KCNMB2: variants seen among roughly 807,000 people sequenced by gnomAD.
KCNMB2 encodes the protein calcium-activated potassium channel subunit beta-2.
KCNMB2 carries 9 observed loss-of-function variants against 24.5 expected under a neutral mutation model. The observed-to-expected ratio is 0.37, with a 90% CI of 0.22 to 0.64. The LOEUF (loss-of-function observed/expected upper bound fraction) is 0.64. Among genes scored for constraint, KCNMB2 ranks in the 30% least tolerant of loss-of-function variants. The pLI, the probability that KCNMB2 is intolerant of heterozygous loss-of-function variation, is 0.63. For missense variants in KCNMB2, 226 were observed against 284.3 expected, an observed-to-expected ratio of 0.79 and a Z score of 1.47; for synonymous variants, 109 against 104.4, an observed-to-expected ratio of 1.04 and a Z score of -0.27.
At chr3:178,608,681 C>G (rs1157399492) in intron 1 of KCNMB2, among the ~76,000 whole-genome samples, 1 of 152,100 alleles carries the variant, frequency 6.6e-6, no homozygotes, top group South Asian at 2.1e-4. Context: ...ACTACCCTTC[C>G]CAGCTCCTGG....
At chr3:178,611,634 G>A (rs1336621351) in intron 1 of KCNMB2, among the ~76,000 whole-genome samples, 1 of 152,162 alleles carries the variant, frequency 6.6e-6, no homozygotes, top group Non-Finnish European at 1.5e-5. Flanking sequence ...GAACCCAGGA[G>A]GTGGAGCTTG....
At chr3:178,788,071 C>T (rs1713178813) in intron 1 of KCNMB2, among the ~76,000 whole-genome samples, 1 of 152,096 alleles carries the variant, frequency 6.6e-6, no homozygotes. Context: ...ATAAAGAGCT[C>T]TTATTACAGT....
intron 1 of KCNMB2, among the ~76,000 whole-genome samples, chr3:178,792,487 G>A (rs1294091067): frequency 4.6e-5 from 7 of 151,958 alleles, no homozygotes; most frequent in African/African-American, 9.7e-5. Flanking sequence ...AAATGAACAC[G>A]GGAAGAAAAG....
intron 1 of KCNMB2, among the ~76,000 whole-genome samples, chr3:178,682,922 T>C (rs1721320793): frequency 6.6e-6 from 1 of 152,080 alleles, no homozygotes; most frequent in African/African-American, 2.4e-5. Flanking sequence ...ACACTGTTGG[T>C]GGGAATGTAA....
rs1382937857 is a variant in KCNMB2, at chr3:178,776,602, T to C, written c.-67-30741T>C. Among the ~76,000 whole-genome samples, 5 of 152,330 alleles carry C rather than the reference T, an allele frequency of 3.3e-5. No homozygotes were observed. The East Asian group carries it at 5.8e-4, about 18-fold the overall frequency. ...CATCACCTTTCAAGATAGAGCCTGG[T>C]ACTTCTGCATGGTCTTCACAAGGCA... On this transcript the variant is annotated intron_variant, in intron 1 of 4. Coordinates refer to ENST00000452583, the MANE Select transcript of KCNMB2 (RefSeq NM_181361.3).
At chr3:178,829,728 T>C (rs1714982437) in intron 4 of KCNMB2, among the ~76,000 whole-genome samples, 1 of 152,202 alleles carries the variant, frequency 6.6e-6, no homozygotes, top group Non-Finnish European at 1.5e-5. Context: ...TTTCATTTCC[T>C]CATTTTGACA....
chr3:178,780,057 A>T (rs1401413250), intron 1 of KCNMB2, among the ~76,000 whole-genome samples: 54 of 110,934 alleles, frequency 4.9e-4, no homozygotes, highest in African/African-American at 1.4e-3. Context: ...TTTTTTTAAA[A>T]AAAAAAAAAA....
intron 1 of KCNMB2, among the ~76,000 whole-genome samples, chr3:178,584,718 GAA>G (rs1462169107): frequency 6.7e-6 from 1 of 150,300 alleles, no homozygotes; most frequent in Non-Finnish European, 1.5e-5. Flanking sequence ...AAAAAAAAAA[GAA>G]AAAGTTTGTA....
intron 1 of KCNMB2, among the ~76,000 whole-genome samples, chr3:178,777,873 C>T (rs1381538330): frequency 6.6e-6 from 1 of 152,008 alleles, no homozygotes; most frequent in Non-Finnish European, 1.5e-5. Context: ...ATCTAGTTTC[C>T]CTTAATAACC....
intron 1 of KCNMB2, among the ~76,000 whole-genome samples, chr3:178,573,583 TAA>T (rs71647211): frequency 3.7e-4 from 46 of 124,674 alleles, no homozygotes; most frequent in South Asian, 1.0e-3. Flanking sequence ...CTACAAAACA[TAA>T]AAAAAAAAAA....
At chr3:178,635,389 T>C (rs1216750153) in intron 1 of KCNMB2, among the ~76,000 whole-genome samples, 1 of 148,028 alleles carries the variant, frequency 6.8e-6, no homozygotes, top group African/African-American at 2.5e-5. Flanking sequence ...ATAATATCCC[T>C]TACACAGGTG....
chr3:178,639,891 T>G lies in KCNMB2; in HGVS notation c.-68+103180T>G, dbSNP rs527655418. On this transcript the variant is annotated intron_variant, in intron 1 of 4. Coordinates refer to ENST00000452583, the MANE Select transcript of KCNMB2 (RefSeq NM_181361.3). ...AGTTTGCATGTCTTGCATAACATCC[T>G]TCTATTATTTCTGTATGGAGTGAGG... Among the ~76,000 whole-genome samples the G allele has an allele frequency of 1.8e-4, 28 of 152,356 alleles. No homozygotes were observed. In the South Asian group the frequency reaches 5.6e-3, roughly 30 times the overall value.
chr3:178,785,558 A>T (rs1258352232), intron 1 of KCNMB2, among the ~76,000 whole-genome samples: 1 of 152,054 alleles, frequency 6.6e-6, no homozygotes, highest in Non-Finnish European at 1.5e-5. Flanking sequence ...TATGAAATGA[A>T]TCTATAATAT....
chr3:178,687,362 T>C (rs2108325653), intron 1 of KCNMB2, among the ~76,000 whole-genome samples: 1 of 152,264 alleles, frequency 6.6e-6, no homozygotes, highest in African/African-American at 2.4e-5. Context: ...TTGAGTCTCA[T>C]CATATTTTTG....
intron 1 of KCNMB2, among the ~76,000 whole-genome samples, chr3:178,774,902 T>C (rs1712518186): frequency 6.6e-6 from 1 of 152,220 alleles, no homozygotes; most frequent in Admixed American, 6.5e-5. Flanking sequence ...AGTATTTTCC[T>C]TGTTCCTTTG....
intron 1 of KCNMB2, among the ~76,000 whole-genome samples, chr3:178,549,873 C>T (rs1299961190): frequency 6.6e-6 from 1 of 152,090 alleles, no homozygotes; most frequent in Non-Finnish European, 1.5e-5. Context: ...AATTCTTTGT[C>T]GTTAATCAGA....
chr3:178,758,480 C>A (rs1163565127), intron 1 of KCNMB2, among the ~76,000 whole-genome samples: 2 of 45,022 alleles, frequency 4.4e-5, no homozygotes, highest in Admixed American at 6.5e-4. Flanking sequence ...ATATATATCT[C>A]CAAGAGGTGA....
In KCNMB2 at chr3:178,582,859, C is replaced by G. The variant is rs561060105; in HGVS notation, c.-68+46148C>G. Among the ~76,000 whole-genome samples the G allele has an allele frequency of 2.6e-5, 4 of 152,138 alleles. No individual in the cohort carries two copies. The South Asian group carries it at 8.3e-4, about 32-fold the overall frequency. The stretch of plus-strand genomic sequence containing the variant: ...AATCTGCACAATGCAGAGAAAAGGC[C>G]TTGGATTAAATACTATTTTTACCAC... On this transcript the variant is annotated intron_variant, in intron 1 of 4. Coordinates refer to ENST00000452583, the MANE Select transcript of KCNMB2 (RefSeq NM_181361.3).
At chr3:178,600,031 C>T (rs1343242400) in intron 1 of KCNMB2, among the ~76,000 whole-genome samples, 2 of 152,100 alleles carry the variant, frequency 1.3e-5, no homozygotes, top group Admixed American at 6.6e-5. Context: ...GTGTGTGCCA[C>T]CATGCCCAGC....
Sources: gnomAD v4.1 joint callset for allele counts (sites outside exome capture counted in the v4.1 genomes callset) on GRCh38, gnomAD v4.1.1 for gene constraint, MANE v1.5 for transcripts, NCBI Gene and HGNC (gene_info 2026-07-23, HGNC 2026-07-21) for gene names.